The following GRIK4 variants were observed in gnomAD, a reference collection of about 807,000 sequenced individuals.
GRIK4 encodes the protein glutamate receptor ionotropic, kainate 4.
Under a neutral mutation model 104.9 loss-of-function variants are expected in GRIK4, and 40 were observed. The observed-to-expected ratio is 0.38, with a 90% CI of 0.30 to 0.50. The LOEUF (loss-of-function observed/expected upper bound fraction) is 0.50. Among genes scored for constraint, GRIK4 ranks in the 20% least tolerant of loss-of-function variants. GRIK4 has a pLI of 0.93. For missense variants in GRIK4, 1,047 were observed against 1,308.1 expected (o/e 0.80, Z 3.08); for synonymous variants, 485 against 524.9 (o/e 0.92, Z 1.04).
At chr11:120,617,837 G>T (rs1022084304) in intron 1 of GRIK4, among the ~76,000 whole-genome samples, 1 of 152,142 alleles carries the variant, frequency 6.6e-6, no homozygotes, top group South Asian at 2.1e-4. Flanking sequence ...AGAATTGTGA[G>T]CCAGTAACAT....
At position 120,645,846 on chromosome 11, in the gene GRIK4, C is replaced by T. The variant is rs1288701405; in HGVS notation, c.-158-7839C>T. Among the ~76,000 whole-genome samples the T allele has an allele frequency of 3.3e-5, 5 of 152,192 alleles. No homozygotes were observed. In the South Asian group the frequency reaches 6.2e-4, roughly 19 times the overall value. ...CCCTGTGGTTAATGTGTTCCATGCC[C>T]GCTGTGTCCCCCTGCACTCAAGTTC... On this transcript the variant is annotated intron_variant, in intron 1 of 20. Transcript: ENST00000527524.
At chr11:120,649,829 G>A (rs946750681) in intron 1 of GRIK4, among the ~76,000 whole-genome samples, 4 of 152,190 alleles carry the variant, frequency 2.6e-5, no homozygotes, top group Non-Finnish European at 5.9e-5. Flanking sequence ...CTTAAAAGTT[G>A]TTCTCTCCAA....
intron 9 of GRIK4, chr11:120,872,848 CAG>C (rs1954650469): frequency 6.5e-6 from 1 of 154,592 alleles, no homozygotes; most frequent in Admixed American, 6.3e-5. Context: ...TCCTCAAGGA[CAG>C]GTGTCTTCTG....
At chr11:120,699,537 GTA>G (rs1334088122) in intron 3 of GRIK4, among the ~76,000 whole-genome samples, 18 of 88,286 alleles carry the variant, frequency 2.0e-4, no homozygotes, top group South Asian at 1.2e-3. Flanking sequence ...TCAGGTGTGT[GTA>G]TGTGTGTGTG....
chr11:120,955,073 TTAGG>T (rs1323312267), intron 15 of GRIK4, among the ~76,000 whole-genome samples: 5 of 152,200 alleles, frequency 3.3e-5, no homozygotes, highest in African/African-American at 9.7e-5. Flanking sequence ...ACAACAGCTC[TTAGG>T]TAGCCATTCC....
intron 3 of GRIK4, among the ~76,000 whole-genome samples, chr11:120,736,446 G>A (rs1397901789): frequency 1.8e-5 from 1 of 55,112 alleles, no homozygotes; most frequent in East Asian, 2.7e-4. Context: ...GTCTACCTAG[G>A]TCACTCCAGT....
chr11:120,948,565 G>C (rs1338897585), intron 14 of GRIK4, among the ~76,000 whole-genome samples: 1 of 152,154 alleles, frequency 6.6e-6, no homozygotes, highest in East Asian at 1.9e-4. Context: ...GTGCTTCTCT[G>C]GAGAGCCCTG....
intron 3 of GRIK4, among the ~76,000 whole-genome samples, chr11:120,709,031 T>C (rs375860382): frequency 2.6e-5 from 4 of 152,132 alleles, no homozygotes; most frequent in African/African-American, 9.7e-5. Context: ...GTGAGATGTA[T>C]AAATAGCCCT....
In GRIK4 at chr11:120,898,444, C is replaced by A. The variant is rs542658394; in HGVS notation, c.1165-88C>A. On this transcript the variant is annotated intron_variant, in intron 11 of 20. Transcript: ENST00000527524. Reference sequence around the variant, plus strand: ...CACACCCCTCCCTGCTCACATGCAGCCCAGCCAGAGGCAGAGGTCAGCCTC... The same window carrying A: ...CACACCCCTCCCTGCTCACATGCAGACCAGCCAGAGGCAGAGGTCAGCCTC... 4,844 of 752,708 alleles carry A rather than the reference C, an allele frequency of 6.4e-3. 35 individuals are homozygous for A. Among genetic ancestry groups the A allele is most frequent in the South Asian group, 8.8e-3 (572 of 65,224 alleles). The allele number at this position is 752,708 out of a possible 1,614,324, so 46.6% of individuals were successfully genotyped here. A position where few individuals can be genotyped will look rare whatever the true frequency, so the allele number is the denominator to read the frequency against.
intron 3 of GRIK4, among the ~76,000 whole-genome samples, chr11:120,721,837 A>C (rs1367830350): frequency 3.3e-5 from 5 of 152,220 alleles, no homozygotes; most frequent in Admixed American, 2.6e-4. Context: ...CAAGACCCCA[A>C]GATGTCGAAG....
At chr11:120,784,095 T>C (rs887267688) in intron 3 of GRIK4, among the ~76,000 whole-genome samples, 10 of 152,144 alleles carry the variant, frequency 6.6e-5, no homozygotes. Context: ...TTAATACATA[T>C]CTCTTCCCTT....
chr11:120,830,551 A>G (rs1282880572), intron 6 of GRIK4, among the ~76,000 whole-genome samples: 1 of 152,144 alleles, frequency 6.6e-6, no homozygotes, highest in Admixed American at 6.5e-5. Context: ...CCCATCAGCC[A>G]GTACAGAAAC....
At chr11:120,645,690 G>A (rs1949533845) in intron 1 of GRIK4, among the ~76,000 whole-genome samples, 1 of 152,212 alleles carries the variant, frequency 6.6e-6, no homozygotes, top group South Asian at 2.1e-4. Context: ...ACTGGGCTGG[G>A]CAGCCAGCTG....
chr11:120,901,171 T>C (rs1942727043), intron 12 of GRIK4, among the ~76,000 whole-genome samples: 1 of 152,220 alleles, frequency 6.6e-6, no homozygotes, highest in South Asian at 2.1e-4. Context: ...GCCTGGCATT[T>C]CCTTCCTTAC....
chr11:120,976,836 A>G (rs1002353709), intron 19 of GRIK4, among the ~76,000 whole-genome samples: 4 of 152,234 alleles, frequency 2.6e-5, no homozygotes, highest in Non-Finnish European at 5.9e-5. Context: ...CTTTTTGTTC[A>G]AAAGGAGCTT....
At chr11:120,849,905 A>C (rs1048667969) in intron 8 of GRIK4, among the ~76,000 whole-genome samples, 44 of 152,360 alleles carry the variant, frequency 2.9e-4, no homozygotes, top group African/African-American at 9.9e-4. Context: ...GCTCAGGCTG[A>C]AATCTAAGTG....
chr11:120,822,733 G>C (rs1017649138), intron 6 of GRIK4, among the ~76,000 whole-genome samples: 1 of 152,142 alleles, frequency 6.6e-6, no homozygotes. Context: ...TTGTGGACCA[G>C]GAGTTTTATG....
At chr11:120,765,003 G>A (rs1951808723) in intron 3 of GRIK4, among the ~76,000 whole-genome samples, 1 of 152,144 alleles carries the variant, frequency 6.6e-6, no homozygotes, top group Admixed American at 6.5e-5. Flanking sequence ...ATGTTGGCAT[G>A]TCTTGCTATG....
intron 1 of GRIK4, among the ~76,000 whole-genome samples, chr11:120,525,104 GTGGGCTCCCTGGGAAGGGGCAC>G (rs1294261473): frequency 2.0e-5 from 3 of 152,132 alleles, no homozygotes; most frequent in Non-Finnish European, 4.4e-5. Flanking sequence ...GAGGCCAACT[GTGGGCTCCCTGGGAAGGGGCAC>G]TGGACTCCCT....
Sources: allele counts gnomAD v4.1 joint callset (sites outside exome capture counted in the v4.1 genomes callset), GRCh38; gene constraint gnomAD v4.1.1; transcripts MANE v1.5; gene names NCBI Gene and HGNC (gene_info 2026-07-23, HGNC 2026-07-21).